USP5: variants seen among roughly 807,000 people sequenced by gnomAD.
The protein encoded by USP5 is ubiquitin carboxyl-terminal hydrolase 5.
Under a neutral mutation model 102.5 loss-of-function variants are expected in USP5, and 24 were observed. The ratio of observed to expected loss-of-function variants is 0.23; its 90% CI spans 0.17 to 0.33. The LOEUF (loss-of-function observed/expected upper bound fraction) is 0.33. USP5 is among the 10% of genes least tolerant of loss of function. USP5 has a pLI of 1.00. For synonymous variants in USP5, 460 were observed against 434.8 expected (o/e 1.06, Z -0.72); for missense variants, 753 against 1,122.1 (o/e 0.67, Z 4.70).
intron 19 of USP5, 103 bp from the exon 20 acceptor site, chr12:6,865,881 G>A: frequency 1.0e-6 from 1 of 975,156 alleles, no homozygotes; most frequent in South Asian, 1.4e-5. Context: ...GGTATGGGCA[G>A]AGAGTGTGGA....
At chr12:6,854,104 A>G (rs782338190) in intron 1 of USP5, among the ~76,000 whole-genome samples, 1 of 152,100 alleles carries the variant, frequency 6.6e-6, no homozygotes, top group Non-Finnish European at 1.5e-5. Flanking sequence ...GGGGAAGCCC[A>G]TCCTCCCTTC....
Position 6,862,663 on chromosome 12 carries a change from A to G in USP5, c.1762+105A>G. On this transcript the variant is annotated intron_variant, in intron 14 of 19. Transcript: ENST00000229268. ...CTCAAAGTTTCCTCTGAAAGAGGAA[A>G]AAAAATCACCTTCAATGTTTCAAAA... The G allele has an allele frequency of 3.9e-6, 4 of 1,037,104 alleles. No homozygotes were observed. The South Asian group carries it at 4.4e-5, about 12-fold the overall frequency. The allele number at this position is 1,037,104 out of a possible 1,614,324, so 64.2% of individuals were successfully genotyped here.
intron 19 of USP5, among the ~76,000 whole-genome samples, chr12:6,865,615 T>G (rs782730632): frequency 6.6e-6 from 1 of 152,166 alleles, no homozygotes; most frequent in Non-Finnish European, 1.5e-5. Context: ...CACACTTGTT[T>G]ATGTGTTGTT....
At chr12:6,859,305 G>A (rs181697742) in intron 8 of USP5, among the ~76,000 whole-genome samples, 165 bp from the exon 9 acceptor site, 4 of 152,290 alleles carry the variant, frequency 2.6e-5, no homozygotes, top group Admixed American at 2.6e-4. Flanking sequence ...GCTGAGAAGG[G>A]GAGAACAGGC....
intron 6 of USP5, 27 bp from the exon 7 acceptor site, chr12:6,857,601 CT>C: frequency 6.2e-7 from 1 of 1,606,222 alleles, no homozygotes; most frequent in Middle Eastern, 1.9e-4. Flanking sequence ...GCCACTTCCC[CT>C]GATTCTCTTC....
chr12:6,855,909 A>G lies in USP5; in HGVS notation c.304+88A>G. On this transcript the variant is annotated intron_variant, in intron 3 of 19. Transcript: ENST00000229268. This position sits in a 1 kb window ranked among gnomAD's most constrained non-coding sequence, Gnocchi z 4.6. ...AGGAAAGCCCCAAAGAGTGGGCCTG[A>G]TTGATGGCCCTAGAACTCTGGATGG... 6.2e-7 allele frequency: 1 copy of G among 1,605,826 alleles called. No homozygotes were observed. Among genetic ancestry groups the G allele is most frequent in the South Asian group, 1.1e-5 (1 of 90,590 alleles).
Position 6,864,416 on chromosome 12 carries a change from G to A in USP5, c.2244+221G>A, listed in dbSNP as rs1443568494. On this transcript the variant is annotated intron_variant, in intron 17 of 19. Coordinates refer to ENST00000229268, the MANE Select transcript of USP5 (RefSeq NM_001098536.2). The surrounding 1 kb of genome is among the most constrained non-coding windows in gnomAD (Gnocchi z 4.8). ...ATGTAATGCTTCTGTTTGGCCGGGC[G>A]CGGTGGCTCACGCCTGTAATCCCAG... Among the ~76,000 whole-genome samples, 5 of 152,198 alleles carry A rather than the reference G, an allele frequency of 3.3e-5. No homozygotes were observed. Among genetic ancestry groups the A allele is most frequent in the South Asian group, 2.1e-4 (1 of 4,830 alleles).
rs1294770711 is a variant in USP5 at position 6,861,591 on chromosome 12, C to T, written c.1647C>T (p.Ala549=). 6.3e-7 allele frequency: 1 copy of T among 1,579,602 alleles called. No homozygotes were observed. The highest frequency in any genetic ancestry group is 1.3e-5 in the African/African-American group (1 of 74,244). The change falls in exon 13 of 20, where the codon GCC becomes GCT. Residue 549 remains alanine, a synonymous_variant. Coordinates refer to ENST00000229268, the MANE Select transcript of USP5 (RefSeq NM_001098536.2). This position sits in a 1 kb window ranked among gnomAD's most constrained non-coding sequence, Gnocchi z 4.9. ...AGGTCGATGACTTCTGGAGCACGGC[C>T]CTGCAGGCCAAGTCAGTAGCTGTCA... ...PEQVDDFWST[A]LQAKSVAVKT... is the part of the protein sequence containing the mutation.
intron 1 of USP5, among the ~76,000 whole-genome samples, chr12:6,854,840 ATC>A (rs1464545629): frequency 4.3e-4 from 66 of 152,138 alleles, no homozygotes; most frequent in African/African-American, 1.5e-3. Context: ...AAGTGCTGGA[ATC>A]TCTGCTCCTC....
In USP5 at chr12:6,866,208, G is replaced by A; in HGVS notation, c.*131G>A. 1.2e-6 allele frequency: 1 copy of A among 815,666 alleles called. No individual in the cohort carries two copies. The highest frequency in any genetic ancestry group is 1.9e-6 in the Non-Finnish European group (1 of 514,700). 50.5% of individuals were successfully genotyped at this position (815,666 alleles called of 1,614,324 possible). On this transcript the variant is annotated 3_prime_UTR_variant, in exon 20 of 20. Coordinates refer to ENST00000229268, the MANE Select transcript of USP5 (RefSeq NM_001098536.2). The surrounding 1 kb of genome is among the most constrained non-coding windows in gnomAD (Gnocchi z 4.7). The stretch of plus-strand genomic sequence containing the variant: ...TTTTGTCCCCGGCAGCAGGGAAGAA[G>A]CTGGAGGCCGTGGGAGAATGGCTGG...
chr12:6,861,669 C>G lies in USP5; in HGVS notation c.1673+52C>G. 7.0e-7 allele frequency: 1 copy of G among 1,438,348 alleles called. No homozygotes were observed. 89.1% of individuals were successfully genotyped at this position (1,438,348 alleles called of 1,614,324 possible). ...CTGTGGGTCTATGGCAGAGCTATCCCAGAGGATACTTCTGTCTCTTCCCTG... is the reference window on the plus strand; with the variant it reads ...CTGTGGGTCTATGGCAGAGCTATCCGAGAGGATACTTCTGTCTCTTCCCTG... On this transcript the variant is annotated intron_variant, in intron 13 of 19. Coordinates refer to ENST00000229268, the MANE Select transcript of USP5 (RefSeq NM_001098536.2). The surrounding 1 kb of genome is among the most constrained non-coding windows in gnomAD (Gnocchi z 4.9).
intron 13 of USP5, 33 bp from the exon 14 acceptor site, chr12:6,862,437 T>C: frequency 6.3e-7 from 1 of 1,596,314 alleles, no homozygotes; most frequent in Non-Finnish European, 8.6e-7. Flanking sequence ...CCCTGGGGAT[T>C]GTCTGGGTAC....
chr12:6,854,764 A>T (rs1003745043), intron 1 of USP5, among the ~76,000 whole-genome samples: 86 of 145,928 alleles, frequency 5.9e-4, no homozygotes, highest in South Asian at 1.3e-3. Flanking sequence ...CTAAAATAAA[A>T]TTTTTTTTTT....
In USP5 at chr12:6,860,404, C is replaced by A; in HGVS notation, c.1257C>A (p.Ala419=). The change falls in exon 11 of 20, where the codon GCC becomes GCA. Residue 419 remains alanine (A), a synonymous_variant. Transcript: ENST00000229268. The surrounding 1 kb of genome is among the most constrained non-coding windows in gnomAD (Gnocchi z 5.5). ...QDGIAPRMFK[A]LIGKGHPEFS... ...GCATTGCCCCTCGGATGTTCAAGGC[C>A]CTCATCGGCAAGGGCCACCCTGAAT... 6.2e-7 allele frequency: 1 copy of A among 1,614,152 alleles called. No individual in the cohort carries two copies.
rs374324552 is a variant in USP5, at chr12:6,860,686, A to G, written c.1344+195A>G. Among the ~76,000 whole-genome samples the G allele has an allele frequency of 1.3e-5, 2 of 152,236 alleles. No homozygotes were observed. Among genetic ancestry groups the G allele is most frequent in the African/African-American group, 4.8e-5 (2 of 41,462 alleles). On this transcript the variant is annotated intron_variant, in intron 11 of 19. Transcript: ENST00000229268. This position sits in a 1 kb window ranked among gnomAD's most constrained non-coding sequence, Gnocchi z 5.5. ...CTACCCTTGATGGGCTTGAAGCCCA[A>G]TTCAGATTATGCCCAAAGACAATGA... is the stretch of plus-strand genomic sequence containing the variant.
At position 6,863,574 on chromosome 12, in the gene USP5, G is replaced by C. The variant is rs1043555057; in HGVS notation, c.1954+197G>C. ...TGGATGGCAGCAGTGCCAGCTAGTG[G>C]CCTCTCTGCCCTTGTTACCTCCCTG... is the stretch of plus-strand genomic sequence containing the variant. On this transcript the variant is annotated intron_variant, in intron 15 of 19. Coordinates refer to ENST00000229268, the MANE Select transcript of USP5 (RefSeq NM_001098536.2). The surrounding 1 kb of genome is among the most constrained non-coding windows in gnomAD (Gnocchi z 4.7). 2.0e-5 allele frequency among the ~76,000 whole-genome samples: 3 copies of C among 152,128 alleles called. No individual in the cohort carries two copies. The highest frequency in any genetic ancestry group is 4.4e-5 in the Non-Finnish European group (3 of 68,022).
At chr12:6,853,284 G>A (rs1185614535) in intron 1 of USP5, among the ~76,000 whole-genome samples, 3 of 152,212 alleles carry the variant, frequency 2.0e-5, no homozygotes, top group African/African-American at 7.2e-5. Flanking sequence ...AGAGTGGAAA[G>A]CCTTCATTAC....
chr12:6,859,440 C>T lies in USP5; in HGVS notation c.1059-30C>T, dbSNP rs376215464. 1,587 of 1,610,440 alleles carry T rather than the reference C, an allele frequency of 9.9e-4. 2 individuals carry two copies. The highest frequency in any genetic ancestry group is 1.3e-3 in the Non-Finnish European group (1,517 of 1,176,808). The stretch of plus-strand genomic sequence containing the variant: ...TTTTCCTCGGCGCTCAGGCCAGAGC[C>T]CCTCCAACTGTCCTTCCCTTGACTT... On this transcript the variant is annotated intron_variant, in intron 8 of 19. Coordinates refer to ENST00000229268, the MANE Select transcript of USP5 (RefSeq NM_001098536.2).
In USP5 at chr12:6,858,393, C is replaced by G. The variant is rs373377154; in HGVS notation, c.865-31C>G. On this transcript the variant is annotated intron_variant, in intron 7 of 19. Transcript: ENST00000229268. This position sits in a 1 kb window ranked among gnomAD's most constrained non-coding sequence, Gnocchi z 4.2. ...GTAAAAACTACAGGGTTGAGTTTCT[C>G]ACTCAGTCTGAAGTGCCCCTTCTCA... 2.1e-5 allele frequency: 34 copies of G among 1,584,616 alleles called. No individual in the cohort carries two copies. The African/African-American group carries it at 4.3e-4, about 20-fold the overall frequency.
Sources: allele counts gnomAD v4.1 joint callset (sites outside exome capture counted in the v4.1 genomes callset), GRCh38; gene constraint gnomAD v4.1.1; non-coding constraint Gnocchi (gnomAD v3.1); transcripts MANE v1.5; gene names NCBI Gene and HGNC (gene_info 2026-07-23, HGNC 2026-07-21).